The following PLD5 variants were observed in gnomAD, a reference collection of about 807,000 sequenced individuals.
The protein encoded by PLD5 is phospholipase D family member 5, also known as inactive phospholipase D5.
A neutral mutation model predicts 61.1 loss-of-function variants in PLD5; 36 were observed. The observed-to-expected ratio is 0.59, with a 90% confidence interval of 0.45 to 0.78. PLD5 has a LOEUF of 0.78. Among genes scored for constraint, PLD5 ranks in the 30% least tolerant of loss-of-function variants. The probability of loss-of-function intolerance (pLI) is 0.00; values close to 1 mark genes in which losing one functional copy is unlikely to be tolerated. For synonymous variants in PLD5, 243 were observed against 242.8 expected (o/e 1.00, Z -0.01); for missense variants, 515 against 644.4 (o/e 0.80, Z 2.17).
intron 5 of PLD5, among the ~76,000 whole-genome samples, chr1:242,196,061 G>A (rs2148943368): frequency 6.6e-6 from 1 of 152,266 alleles, no homozygotes; most frequent in East Asian, 1.9e-4. Context: ...TTGTGAAAAT[G>A]ATCTGAACTA....
chr1:242,479,789 A>T (rs969561357), intron 1 of PLD5, among the ~76,000 whole-genome samples: 3 of 152,108 alleles, frequency 2.0e-5, no homozygotes, highest in Admixed American at 1.3e-4. Flanking sequence ...TACGCCTGTA[A>T]TCCCAGCACT....
chr1:242,501,196 A>G (rs1668544240), intron 1 of PLD5, among the ~76,000 whole-genome samples: 1 of 152,134 alleles, frequency 6.6e-6, no homozygotes, highest in African/African-American at 2.4e-5. Flanking sequence ...GGATTACTAG[A>G]GAACTGAAGC....
At chr1:242,102,871 T>G (rs1660788085) in intron 8 of PLD5, among the ~76,000 whole-genome samples, 1 of 152,208 alleles carries the variant, frequency 6.6e-6, no homozygotes, top group Admixed American at 6.5e-5. Context: ...TGACCATCTA[T>G]GATCAAAAAC....
At position 242,256,356 on chromosome 1, in the gene PLD5, G is replaced by T. The variant is rs1358222603; in HGVS notation, c.607+8981C>A. 6.6e-6 allele frequency among the ~76,000 whole-genome samples: 1 copy of T among 152,182 alleles called. No individual in the cohort carries two copies. The highest frequency in any genetic ancestry group is 2.4e-5 in the African/African-American group (1 of 41,440). On this transcript the variant is annotated intron_variant, in intron 4 of 9. Transcript: ENST00000536534. The surrounding 1 kb of genome is among the most constrained non-coding windows in gnomAD (Gnocchi z 5.7). ...AATCTCATGGGGAGAAAAATCTGAA[G>T]ATCTATTTCTCTATCTGATTTGAAT...
In PLD5 at chr1:242,476,033, C is replaced by T. The variant is rs79720125; in HGVS notation, c.189+48055G>A. Reference sequence around the variant, plus strand: ...CCACCCAGTTGGTGGTATTTTGCTACGCCCTAGCAAACTAATGCACATAAA... The same window carrying T: ...CCACCCAGTTGGTGGTATTTTGCTATGCCCTAGCAAACTAATGCACATAAA... On this transcript the variant is annotated intron_variant, in intron 1 of 9. Coordinates refer to ENST00000536534, the MANE Select transcript of PLD5 (RefSeq NM_001372062.1). Among the ~76,000 whole-genome samples the T allele has an allele frequency of 3.1e-4, 47 of 152,310 alleles. No homozygotes were observed. The East Asian group carries it at 7.7e-3, about 25-fold the overall frequency.
chr1:242,307,276 G>C (rs1676426392), intron 2 of PLD5, among the ~76,000 whole-genome samples: 1 of 152,074 alleles, frequency 6.6e-6, no homozygotes, highest in Non-Finnish European at 1.5e-5. Context: ...ATGAACACTA[G>C]AAACTATTCC....
intron 1 of PLD5, among the ~76,000 whole-genome samples, chr1:242,481,924 C>T (rs1667792153): frequency 6.6e-6 from 1 of 152,184 alleles, no homozygotes; most frequent in African/African-American, 2.4e-5. Flanking sequence ...TCTGCAGCCT[C>T]CACTGCTGAT....
intron 6 of PLD5, among the ~76,000 whole-genome samples, chr1:242,114,382 A>C (rs1161252611): frequency 3.9e-5 from 6 of 152,230 alleles, no homozygotes; most frequent in Non-Finnish European, 7.3e-5. Flanking sequence ...TAATTAGCAT[A>C]TCTATCATCT....
chr1:242,107,720 G>C lies in PLD5; in HGVS notation c.1190C>G (p.Ser397Ter). ...ETDPLTFNFI[S>*]SLKAICTEIA... is the part of the protein sequence containing the mutation. ...TTCAGTGCAAATCGCTTTAAGAGATGAAATAAAGTTAAACGTAAGGGGATC... is the reference window on the plus strand; with the variant it reads ...TTCAGTGCAAATCGCTTTAAGAGATCAAATAAAGTTAAACGTAAGGGGATC... Residue 397 changes from serine (S) to a stop codon, truncating the protein, a stop_gained, in exon 8 of 10, where the codon TCA (serine) becomes TGA (stop). Transcript: ENST00000536534. LOFTEE classifies it high-confidence loss of function. 6.2e-7 allele frequency: 1 copy of C among 1,607,420 alleles called. No individual in the cohort carries two copies. Among genetic ancestry groups the C allele is most frequent in the East Asian group, 2.2e-5 (1 of 44,842 alleles).
At chr1:242,316,285 T>G (rs1189345064) in intron 2 of PLD5, among the ~76,000 whole-genome samples, 1 of 152,184 alleles carries the variant, frequency 6.6e-6, no homozygotes, top group East Asian at 1.9e-4. Flanking sequence ...AGACGCCATT[T>G]TGTACCCAAT....
chr1:242,142,714 T>TTCTCTCTC (rs35627694), intron 5 of PLD5, among the ~76,000 whole-genome samples: 1,042 of 90,058 alleles, frequency 0.012, 10 homozygotes, highest in African/African-American at 0.054. Flanking sequence ...AGCTGTGTCT[T>TTCTCTCTC]TCTCTCTCTC....
intron 1 of PLD5, among the ~76,000 whole-genome samples, chr1:242,349,506 G>A (rs562679691): frequency 2.6e-5 from 4 of 152,242 alleles, no homozygotes; most frequent in Admixed American, 1.3e-4. Context: ...GGTTTACAAC[G>A]TGTTATTTAA....
rs185280596 is a variant in PLD5 at position 242,387,112 on chromosome 1, C to T, written c.190-38870G>A. Among the ~76,000 whole-genome samples the T allele has an allele frequency of 1.7e-4, 26 of 152,072 alleles. No individual in the cohort carries two copies. In the East Asian group the frequency reaches 2.5e-3, roughly 15 times the overall value. On this transcript the variant is annotated intron_variant, in intron 1 of 9. Transcript: ENST00000536534. ...TTGAAAAATTTCACAATAAAAAGTT[C>T]GAAGAAAAAGATCTAATTAAATAGA... is the stretch of plus-strand genomic sequence containing the variant.
upstream of PLD5, among the ~76,000 whole-genome samples, chr1:242,526,584 C>T (rs1452783944): frequency 2.6e-5 from 4 of 152,140 alleles, no homozygotes; most frequent in Non-Finnish European, 4.4e-5. Context: ...TACAGGTGCA[C>T]GTCACCACGC....
intron 3 of PLD5, among the ~76,000 whole-genome samples, chr1:242,274,759 A>G (rs1419220110): frequency 6.6e-6 from 1 of 152,162 alleles, no homozygotes; most frequent in Non-Finnish European, 1.5e-5. Context: ...GTCTCCAAAA[A>G]AAAAAGAAAA....
intron 1 of PLD5, among the ~76,000 whole-genome samples, chr1:242,492,446 C>T (rs189404492): frequency 1.0e-4 from 15 of 148,088 alleles, no homozygotes; most frequent in South Asian, 4.3e-4. Context: ...CGCTTGAGCC[C>T]GGGAGGCAGA....
chr1:242,485,613 C>A (rs1667933829), intron 1 of PLD5, among the ~76,000 whole-genome samples: 1 of 152,154 alleles, frequency 6.6e-6, no homozygotes, highest in Non-Finnish European at 1.5e-5. Flanking sequence ...CAAGAAGAAT[C>A]AATATCGTGA....
intron 1 of PLD5, among the ~76,000 whole-genome samples, chr1:242,372,327 T>G (rs950076487): frequency 5.3e-5 from 8 of 152,166 alleles, no homozygotes; most frequent in Non-Finnish European, 5.9e-5. Flanking sequence ...GAATGTCTCA[T>G]GGATAGGAAG....
chr1:242,219,099 C>G (rs1248331325), intron 5 of PLD5, among the ~76,000 whole-genome samples: 2 of 152,174 alleles, frequency 1.3e-5, no homozygotes, highest in Non-Finnish European at 2.9e-5. Context: ...TATAATTCTT[C>G]TTGTAATTGT....
Sources: allele counts gnomAD v4.1 joint callset (sites outside exome capture counted in the v4.1 genomes callset), GRCh38; gene constraint gnomAD v4.1.1; non-coding constraint Gnocchi (gnomAD v3.1); transcripts MANE v1.5; gene names NCBI Gene and HGNC (gene_info 2026-07-23, HGNC 2026-07-21).